CADPS: variants seen among roughly 807,000 people sequenced by gnomAD.
The protein encoded by CADPS is calcium dependent secretion activator.
A neutral mutation model predicts 167.3 loss-of-function variants in CADPS; 57 were observed. The observed-to-expected ratio is 0.34, with a 90% CI of 0.28 to 0.42. CADPS has a LOEUF of 0.42. Among genes scored for constraint, CADPS ranks in the 20% least tolerant of loss-of-function variants. CADPS has a pLI of 1.00. For missense variants in CADPS, 1,414 were observed against 1,738.1 expected (o/e 0.81, Z 3.32); for synonymous variants, 676 against 635.3 (o/e 1.06, Z -0.96).
chr3:62,438,609 A>C lies in CADPS; in HGVS notation c.3670-398T>G, dbSNP rs999970400. 1 of 163,986 alleles carries C rather than the reference A, an allele frequency of 6.1e-6. No individual in the cohort carries two copies. Among genetic ancestry groups the C allele is most frequent in the Non-Finnish European group, 1.3e-5 (1 of 76,128 alleles). The allele number at this position is 163,986 out of a possible 1,614,324, so 10.2% of individuals were successfully genotyped here. ...TCCACTGTCCTTAATATATTATCAG[A>C]CGGGTGATGGAACTTCCCATTCCTT... On this transcript the variant is annotated intron_variant, in intron 27 of 29. Coordinates refer to ENST00000383710, the MANE Select transcript of CADPS (RefSeq NM_003716.4). The surrounding 1 kb of genome is among the most constrained non-coding windows in gnomAD (Gnocchi z 4.7).
chr3:62,665,075 C>G (rs1012361356), intron 3 of CADPS, among the ~76,000 whole-genome samples: 7 of 152,154 alleles, frequency 4.6e-5, no homozygotes, highest in African/African-American at 1.7e-4. Flanking sequence ...AAAGGATTAG[C>G]ATTTATTGAT....
intron 1 of CADPS, among the ~76,000 whole-genome samples, chr3:62,850,131 T>C (rs1180756060): frequency 1.7e-5 from 2 of 121,094 alleles, no homozygotes; most frequent in African/African-American, 5.9e-5. Flanking sequence ...GTATCCCCTT[T>C]ATCATTTTTT....
chr3:62,786,042 G>A (rs560238565), intron 1 of CADPS, among the ~76,000 whole-genome samples: 9 of 151,684 alleles, frequency 5.9e-5, no homozygotes, highest in Admixed American at 2.0e-4. Flanking sequence ...GTGAAACCCC[G>A]TCTCTACTAA....
intron 28 of CADPS, among the ~76,000 whole-genome samples, chr3:62,427,031 C>T (rs533062792): frequency 3.9e-4 from 58 of 148,908 alleles, no homozygotes; most frequent in Middle Eastern, 3.7e-3. Flanking sequence ...GCAGAGATTG[C>T]GCCACTACAC....
intron 3 of CADPS, among the ~76,000 whole-genome samples, chr3:62,670,211 G>T (rs951768827): frequency 2.6e-5 from 4 of 152,150 alleles, no homozygotes; most frequent in Admixed American, 6.5e-5. Context: ...TCAACACATT[G>T]TAGGTGTATA....
chr3:62,640,281 C>T (rs2067160603), intron 6 of CADPS, among the ~76,000 whole-genome samples: 1 of 152,166 alleles, frequency 6.6e-6, no homozygotes, highest in Admixed American at 6.6e-5. Flanking sequence ...AAAAAGGAAG[C>T]ACCATTAAGA....
chr3:62,596,227 G>A (rs1210470962), intron 6 of CADPS, among the ~76,000 whole-genome samples: 2 of 140,234 alleles, frequency 1.4e-5, no homozygotes, highest in South Asian at 2.2e-4. Flanking sequence ...ACAGAGTGTC[G>A]TTCTGTTGCC....
At chr3:62,450,992 A>T (rs977725800) in intron 26 of CADPS, among the ~76,000 whole-genome samples, 9 of 152,238 alleles carry the variant, frequency 5.9e-5, no homozygotes, top group Admixed American at 1.3e-4. Context: ...TTCTTTTTTT[A>T]AAAAAACTAT....
chr3:62,461,881 C>A (rs1365767407), intron 26 of CADPS, among the ~76,000 whole-genome samples: 1 of 152,248 alleles, frequency 6.6e-6, no homozygotes, highest in East Asian at 1.9e-4. Flanking sequence ...GAGAACACAC[C>A]TTTCTAGCTC....
chr3:62,712,682 T>C (rs768264441), intron 3 of CADPS, among the ~76,000 whole-genome samples: 1 of 152,262 alleles, frequency 6.6e-6, no homozygotes, highest in Non-Finnish European at 1.5e-5. Context: ...CCTTTTGGAA[T>C]GAGGCAGGGT....
rs1210022462 is a variant in CADPS, at chr3:62,753,486, A to C, written c.843T>G (p.Leu281=). Residue 281 remains leucine, a synonymous_variant, in exon 3 of 30, where the codon CTT becomes CTG. Coordinates refer to ENST00000383710, the MANE Select transcript of CADPS (RefSeq NM_003716.4). This position sits in a 1 kb window ranked among gnomAD's most constrained non-coding sequence, Gnocchi z 4.6. ...EQLYEMFQNI[L]GIKKFEHQLL... is the part of the protein sequence containing the mutation. ...GCTGATGTTCGAACTTCTTGATCCC[A>C]AGAATGTTCTGGAACATCTCATAGA... The C allele has an allele frequency of 3.1e-6, 5 of 1,613,834 alleles. No individual in the cohort carries two copies. Among genetic ancestry groups the C allele is most frequent in the African/African-American group, 2.7e-5 (2 of 74,898 alleles).
At chr3:62,626,677 A>T (rs2064153066) in intron 6 of CADPS, 3 of 656,698 alleles carry the variant, frequency 4.6e-6, no homozygotes, top group South Asian at 3.3e-5. Flanking sequence ...TTCCTTCTGC[A>T]GGGAACAGAA....
At chr3:62,794,069 G>C (rs2093185293) in intron 1 of CADPS, among the ~76,000 whole-genome samples, 2 of 152,254 alleles carry the variant, frequency 1.3e-5, no homozygotes, top group African/African-American at 4.8e-5. Context: ...TGAATAAATG[G>C]ACTAGTGGAA....
At chr3:62,497,466 C>T (rs1276075684) in intron 18 of CADPS, among the ~76,000 whole-genome samples, 1 of 152,204 alleles carries the variant, frequency 6.6e-6, no homozygotes, top group African/African-American at 2.4e-5. Context: ...GTGGGAAGAA[C>T]ACACTTACCA....
Position 62,520,867 on chromosome 3 carries a change from G to A in CADPS, c.2292-2617C>T, listed in dbSNP as rs147198830. On this transcript the variant is annotated intron_variant, in intron 13 of 29. Transcript: ENST00000383710. ...TGTTTGATTTCACTTCATTGTTTTC[G>A]AAAATTCTGTCAAACATCAATTTCT... Among the ~76,000 whole-genome samples, 900 of 152,226 alleles carry A rather than the reference G, an allele frequency of 5.9e-3. 11 individuals are homozygous for A. The highest frequency in any genetic ancestry group is 0.021 in the African/African-American group (853 of 41,558).
chr3:62,447,650 G>GC (rs2057418713), intron 26 of CADPS, among the ~76,000 whole-genome samples: 1 of 152,288 alleles, frequency 6.6e-6, no homozygotes, highest in East Asian at 1.9e-4. Context: ...AGGCAAGATT[G>GC]CATCAAGGAG....
rs866801832 is a variant in CADPS, at chr3:62,420,891, C to A, written c.3777+17213G>T. On this transcript the variant is annotated intron_variant, in intron 28 of 29. Coordinates refer to ENST00000383710, the MANE Select transcript of CADPS (RefSeq NM_003716.4). The surrounding 1 kb of genome is among the most constrained non-coding windows in gnomAD (Gnocchi z 4.1). Reference sequence around the variant, plus strand: ...ACACACACACACACACACACACACACACACACACACAGGCACACACACACA... The same window carrying A: ...ACACACACACACACACACACACACAAACACACACACAGGCACACACACACA... Among the ~76,000 whole-genome samples, 1 of 133,436 alleles carries A rather than the reference C, an allele frequency of 7.5e-6. No individual in the cohort carries two copies. The highest frequency in any genetic ancestry group is 3.1e-5 in the African/African-American group (1 of 32,000). The allele number at this position is 133,436 out of a possible 152,430, so 87.5% of individuals were successfully genotyped here.
chr3:62,422,438 T>G (rs889810723), intron 28 of CADPS, among the ~76,000 whole-genome samples: 1 of 152,230 alleles, frequency 6.6e-6, no homozygotes, highest in Non-Finnish European at 1.5e-5. Context: ...CTTTAAAGTT[T>G]CAAGAGAAAA....
chr3:62,865,385 TAA>T (rs35780515), intron 1 of CADPS, among the ~76,000 whole-genome samples: 2,423 of 110,076 alleles, frequency 0.022, 35 homozygotes, highest in African/African-American at 0.047. Context: ...ACTTAAGGAT[TAA>T]AAAAAAAAAA....
Sources: gnomAD v4.1 joint callset for allele counts (sites outside exome capture counted in the v4.1 genomes callset) on GRCh38, gnomAD v4.1.1 for gene constraint, Gnocchi (gnomAD v3.1) non-coding constraint, MANE v1.5 for transcripts, NCBI Gene and HGNC (gene_info 2026-07-23, HGNC 2026-07-21) for gene names.